SCN2A: variants seen among roughly 807,000 people sequenced by gnomAD.
SCN2A encodes sodium voltage-gated channel alpha subunit 2.
Under a neutral mutation model 188.7 loss-of-function variants are expected in SCN2A, and 20 were observed. That is an observed-to-expected ratio of 0.11 (90% CI 0.07 to 0.15). The LOEUF (loss-of-function observed/expected upper bound fraction) is 0.15, where lower values mean the gene tolerates loss of function less well. Ranked by LOEUF, SCN2A falls within the 10% of genes least tolerant of loss-of-function variation. SCN2A has a pLI of 1.00. For synonymous variants in SCN2A, 804 were observed against 833.1 expected (o/e 0.97, Z 0.60); for missense variants, 1,278 against 2,445.0 (o/e 0.52, Z 10.07).
rs1275387753 is a variant in SCN2A, at chr2:165,344,581, T to C, written c.2589T>C (p.Ser863=). ...RLLRVFKLAK[S]WPTLNMLIKI... is the part of the protein sequence containing the mutation. ...TCCGAGTTTTCAAGTTGGCAAAATCTTGGCCAACTCTAAATATGCTAATTA... is the reference window on the plus strand; with the variant it reads ...TCCGAGTTTTCAAGTTGGCAAAATCCTGGCCAACTCTAAATATGCTAATTA... The change falls in exon 16 of 27, where the codon TCT becomes TCC. Residue 863 remains serine (S), a synonymous_variant. Transcript: ENST00000375437. The C allele has an allele frequency of 6.2e-7, 1 of 1,614,168 alleles. No individual in the cohort carries two copies. Among genetic ancestry groups the C allele is most frequent in the Admixed American group, 1.7e-5 (1 of 60,024 alleles).
At chr2:165,326,794 C>T (rs1698380894) in intron 12 of SCN2A, 58 bp from the exon 13 acceptor site, 1 of 1,598,480 alleles carries the variant, frequency 6.3e-7, no homozygotes, top group Non-Finnish European at 8.6e-7. Context: ...TGTAGGAATG[C>T]TTTGGGCTTT....
At chr2:165,386,721 A>T in intron 25 of SCN2A, 25 bp from the exon 26 acceptor site, 1 of 1,606,228 alleles carries the variant, frequency 6.2e-7, no homozygotes. Flanking sequence ...TTTCTAATGG[A>T]ACTTTTACAT....
chr2:165,327,081 G>A, intron 13 of SCN2A, 97 bp downstream of exon 13: 3 of 1,403,104 alleles, frequency 2.1e-6, no homozygotes, highest in Middle Eastern at 1.8e-4. Flanking sequence ...ACTTGATATT[G>A]TATCATTATT....
intron 25 of SCN2A, among the ~76,000 whole-genome samples, chr2:165,381,422 T>C (rs1463918492): frequency 2.0e-5 from 3 of 151,860 alleles, no homozygotes; most frequent in Non-Finnish European, 2.9e-5. Context: ...ATAAAATACA[T>C]AGAAATAAAA....
At chr2:165,331,953 G>T (rs1307517384) in intron 14 of SCN2A, among the ~76,000 whole-genome samples, 1 of 152,026 alleles carries the variant, frequency 6.6e-6, no homozygotes, top group African/African-American at 2.4e-5. Context: ...AATATCACTT[G>T]TAAGTACTTG....
chr2:165,262,161 G>A (rs1694621900), intron 1 of SCN2A, among the ~76,000 whole-genome samples: 1 of 147,672 alleles, frequency 6.8e-6, no homozygotes, highest in African/African-American at 2.5e-5. Flanking sequence ...TGTGCAGAAT[G>A]TGCAGGTTTG....
At chr2:165,383,576 A>G (rs1701713929) in intron 25 of SCN2A, among the ~76,000 whole-genome samples, 1 of 152,108 alleles carries the variant, frequency 6.6e-6, no homozygotes. Flanking sequence ...TGTGGTGATC[A>G]CTCAATCAGT....
At chr2:165,302,251 T>C (rs1443791954) in intron 3 of SCN2A, among the ~76,000 whole-genome samples, 1 of 152,242 alleles carries the variant, frequency 6.6e-6, no homozygotes, top group South Asian at 2.1e-4. Flanking sequence ...AATAGGAGTT[T>C]GTTCATATTA....
intron 14 of SCN2A, among the ~76,000 whole-genome samples, chr2:165,338,193 A>G (rs1699102081): frequency 6.6e-6 from 1 of 152,162 alleles, no homozygotes; most frequent in African/African-American, 2.4e-5. Flanking sequence ...ATTTTTTAAA[A>G]AGACAACTGA....
chr2:165,241,250 T>C (rs1431198928), intron 1 of SCN2A: 4 of 152,178 alleles, frequency 2.6e-5, no homozygotes, highest in Non-Finnish European at 4.4e-5. Context: ...TGCTCAATTT[T>C]CTTAGGTTTC....
chr2:165,338,260 A>ATTTT (rs1699107326), intron 14 of SCN2A, among the ~76,000 whole-genome samples: 2 of 112,616 alleles, frequency 1.8e-5, no homozygotes, highest in African/African-American at 3.5e-5. Context: ...AAAGATTTGA[A>ATTTT]CTTTTTTTTT....
At chr2:165,362,424 C>G (rs1179933965) in intron 17 of SCN2A, among the ~76,000 whole-genome samples, 1 of 151,872 alleles carries the variant, frequency 6.6e-6, no homozygotes, top group African/African-American at 2.4e-5. Flanking sequence ...AAAAAAAACA[C>G]CTCAACATGC....
In SCN2A at chr2:165,331,315, CT is replaced by C. The variant is rs746100466; in HGVS notation, c.2150-8del. 1.0e-5 allele frequency: 16 copies of C among 1,592,386 alleles called. No individual in the cohort carries two copies. The highest frequency in any genetic ancestry group is 3.3e-5 in the Admixed American group (2 of 59,866). ...TAAGCAGTTTTCATGAGGATTCTAACTTTTTTTCTTCCAGAACTTGAAGAAT... is the reference window on the plus strand; with the variant it reads ...TAAGCAGTTTTCATGAGGATTCTAACTTTTTTCTTCCAGAACTTGAAGAAT... On this transcript the variant is annotated splice_polypyrimidine_tract_variant and intron_variant, in intron 13 of 26. Transcript: ENST00000375437.
intron 1 of SCN2A, among the ~76,000 whole-genome samples, chr2:165,265,174 G>T (rs187695393): frequency 1.3e-5 from 2 of 151,682 alleles, no homozygotes; most frequent in Non-Finnish European, 2.9e-5. Context: ...ATTCTGACTG[G>T]TGTGAGATGG....
intron 3 of SCN2A, among the ~76,000 whole-genome samples, chr2:165,302,599 T>C (rs1174836268): frequency 6.6e-6 from 1 of 152,210 alleles, no homozygotes; most frequent in Non-Finnish European, 1.5e-5. Context: ...ATAATTATTA[T>C]CTTAGTGGAT....
intron 1 of SCN2A, among the ~76,000 whole-genome samples, chr2:165,265,085 C>A (rs1166177981): frequency 6.6e-6 from 1 of 152,022 alleles, no homozygotes; most frequent in Non-Finnish European, 1.5e-5. Flanking sequence ...ACGCTCCCAC[C>A]AACAGTGTAT....
chr2:165,376,939 AG>A (rs76956832), intron 22 of SCN2A, among the ~76,000 whole-genome samples: 57,213 of 151,766 alleles, frequency 0.38, 11,174 homozygotes, highest in East Asian at 0.54. Context: ...TAGTCAGGAA[AG>A]GGGAAGAGCC....
intron 11 of SCN2A, chr2:165,320,297 T>C (rs1324045283): frequency 6.6e-6 from 1 of 152,182 alleles, no homozygotes; most frequent in East Asian, 1.9e-4. Flanking sequence ...CCCCTGTCAC[T>C]TTGCAGGGTA....
rs180771277 is a variant in SCN2A at position 165,275,154 on chromosome 2, G to A, written c.-51-20619G>A. The stretch of plus-strand genomic sequence containing the variant: ...TTCGTTCAATGTTACCTTCCAACAG[G>A]CCTTTTCAAATGTGAACACCATTCC... On this transcript the variant is annotated intron_variant, in intron 1 of 26. Coordinates refer to ENST00000375437, the MANE Select transcript of SCN2A (RefSeq NM_001040142.2). Among the ~76,000 whole-genome samples, 17 of 152,232 alleles carry A rather than the reference G, an allele frequency of 1.1e-4. No homozygotes were observed. The East Asian group carries it at 2.9e-3, about 26-fold the overall frequency.
Sources: allele counts gnomAD v4.1 joint callset (sites outside exome capture counted in the v4.1 genomes callset), GRCh38; gene constraint gnomAD v4.1.1; transcripts MANE v1.5; gene names NCBI Gene and HGNC (gene_info 2026-07-23, HGNC 2026-07-21).